The following DLGAP2 variants were observed in gnomAD, a reference collection of about 807,000 sequenced individuals.
The protein encoded by DLGAP2 is DLG associated protein 2, also known as disks large-associated protein 2.
Under a neutral mutation model 100.3 loss-of-function variants are expected in DLGAP2, and 26 were observed. The ratio of observed to expected loss-of-function variants is 0.26; its 90% CI spans 0.19 to 0.36. The LOEUF is 0.36. Ranked by LOEUF, DLGAP2 falls within the 10% of genes least tolerant of loss-of-function variation. The probability of loss-of-function intolerance (pLI) is 1.00; values close to 1 mark genes in which losing one functional copy is unlikely to be tolerated. For synonymous variants in DLGAP2, 886 were observed against 630.1 expected (o/e 1.41, Z -6.08); for missense variants, 1,858 against 1,453.2 (o/e 1.28, Z -4.53).
chr8:1,676,820 G>T (rs987959525), intron 11 of DLGAP2, among the ~76,000 whole-genome samples: 7 of 152,230 alleles, frequency 4.6e-5, no homozygotes, highest in Non-Finnish European at 8.8e-5. Context: ...AGGCAAGGGA[G>T]TAATTCTTTC....
rs554538134 is a variant in DLGAP2, at chr8:1,199,215, C to T, written c.74-59636C>T. On this transcript the variant is annotated intron_variant, in intron 2 of 14. Transcript: ENST00000637795. ...TAGTGTAGAAATGAGATTTTAATAT[C>T]TTCACTCAGTGTGGATAATTGAAAG... 1.8e-4 allele frequency among the ~76,000 whole-genome samples: 28 copies of T among 152,324 alleles called. 1 individual carries two copies. Among genetic ancestry groups the T allele is most frequent in the South Asian group, 1.2e-3 (6 of 4,830 alleles).
At chr8:741,281 C>G (rs1820476012) in intron 1 of DLGAP2, among the ~76,000 whole-genome samples, 1 of 152,224 alleles carries the variant, frequency 6.6e-6, no homozygotes, top group Admixed American at 6.5e-5. Context: ...CTTGCATCTA[C>G]TGGTAGCCAC....
intron 1 of DLGAP2, among the ~76,000 whole-genome samples, chr8:778,607 G>A (rs1424575922): frequency 1.3e-5 from 2 of 152,136 alleles, no homozygotes; most frequent in East Asian, 3.9e-4. Flanking sequence ...ACCCTGCCCT[G>A]TGTCAGTGTA....
rs748840582 is a variant in DLGAP2, at chr8:1,548,686, C to G, written c.233C>G (p.Pro78Arg). ...HFNEERYSPA[P>R]RSMKGLSGSR... ...AATGAGGAGCGCTACTCGCCCGCGC[C>G]CAGGAGCATGAAGGGCCTTTCCGGA... Residue 78 changes from proline to arginine, a missense_variant, in exon 5 of 15, where the codon CCC (proline) becomes CGC (arginine). Coordinates refer to ENST00000637795, the MANE Select transcript of DLGAP2 (RefSeq NM_001346810.2). 2 of 1,605,086 alleles carry G rather than the reference C, an allele frequency of 1.2e-6. No homozygotes were observed. The highest frequency in any genetic ancestry group is 1.7e-6 in the Non-Finnish European group (2 of 1,177,048).
At chr8:859,819 G>C (rs987455173) in intron 1 of DLGAP2, among the ~76,000 whole-genome samples, 7 of 152,138 alleles carry the variant, frequency 4.6e-5, no homozygotes, top group African/African-American at 1.7e-4. Flanking sequence ...AGTGAGGTGC[G>C]GTGTAGGGGC....
At chr8:1,419,328 T>C (rs552491233) in intron 3 of DLGAP2, among the ~76,000 whole-genome samples, 1 of 106,494 alleles carries the variant, frequency 9.4e-6, no homozygotes, top group Non-Finnish European at 1.9e-5. Context: ...GATACGTGTG[T>C]GTGTGTGTGT....
intron 1 of DLGAP2, among the ~76,000 whole-genome samples, chr8:898,338 T>C (rs1272149701): frequency 2.0e-5 from 3 of 152,128 alleles, no homozygotes; most frequent in Admixed American, 2.0e-4. Flanking sequence ...TCCCCAAATC[T>C]CTTACAAAGC....
chr8:1,458,753 G>A (rs1165041158), intron 3 of DLGAP2, among the ~76,000 whole-genome samples: 3 of 152,312 alleles, frequency 2.0e-5, no homozygotes, highest in Admixed American at 2.0e-4. Context: ...AGGATGTGTC[G>A]GCTTTGAGAG....
At chr8:1,226,146 T>TG (rs1182624517) in intron 2 of DLGAP2, among the ~76,000 whole-genome samples, 2 of 152,114 alleles carry the variant, frequency 1.3e-5, no homozygotes, top group African/African-American at 2.4e-5. Context: ...GTTTAAACCA[T>TG]GGGCATTCTG....
intron 3 of DLGAP2, among the ~76,000 whole-genome samples, chr8:1,388,510 G>A (rs1274860469): frequency 7.9e-5 from 5 of 63,572 alleles, no homozygotes; most frequent in African/African-American, 2.1e-4. Context: ...GGCAGAGGCC[G>A]TGGATGAGGA....
At chr8:1,081,631 G>T (rs76193697) in intron 2 of DLGAP2, among the ~76,000 whole-genome samples, 1 of 152,290 alleles carries the variant, frequency 6.6e-6, no homozygotes, top group East Asian at 1.9e-4. Flanking sequence ...GATTACAGGC[G>T]TGACCCCCAC....
intron 2 of DLGAP2, among the ~76,000 whole-genome samples, chr8:945,782 ACT>A (rs1299083349): frequency 1.4e-5 from 2 of 148,058 alleles, no homozygotes; most frequent in Admixed American, 1.3e-4. Context: ...TCTCTCTCTC[ACT>A]CTCTCCCTCT....
chr8:1,630,464 A>T (rs1296256719), intron 7 of DLGAP2, among the ~76,000 whole-genome samples: 1 of 152,136 alleles, frequency 6.6e-6, no homozygotes, highest in Non-Finnish European at 1.5e-5. Flanking sequence ...GCACTTTGGG[A>T]GGCCGAGGTG....
chr8:773,683 T>C (rs995719907), intron 1 of DLGAP2, among the ~76,000 whole-genome samples: 2 of 152,034 alleles, frequency 1.3e-5, no homozygotes, highest in Non-Finnish European at 2.9e-5. Context: ...GAACTCATCA[T>C]TTTTTATGGC....
At chr8:823,473 A>G (rs1796626493) in intron 1 of DLGAP2, among the ~76,000 whole-genome samples, 1 of 152,124 alleles carries the variant, frequency 6.6e-6, no homozygotes, top group African/African-American at 2.4e-5. Flanking sequence ...TTAATTGCAA[A>G]GAAAAGACTC....
intron 1 of DLGAP2, among the ~76,000 whole-genome samples, chr8:837,927 G>T (rs1330120464): frequency 6.7e-6 from 1 of 148,324 alleles, no homozygotes; most frequent in African/African-American, 2.5e-5. Flanking sequence ...TAGAGAGGGG[G>T]TTTCGCCATG....
At chr8:1,077,871 C>G (rs1015329652) in intron 2 of DLGAP2, among the ~76,000 whole-genome samples, 2 of 152,210 alleles carry the variant, frequency 1.3e-5, no homozygotes, top group African/African-American at 4.8e-5. Flanking sequence ...ACAGCTGTCT[C>G]AGCACACGCC....
At chr8:1,163,155 C>A (rs1401648339) in intron 2 of DLGAP2, among the ~76,000 whole-genome samples, 2 of 152,160 alleles carry the variant, frequency 1.3e-5, no homozygotes, top group Non-Finnish European at 2.9e-5. Context: ...CCAGGACGCA[C>A]GTGCACTGAA....
intron 2 of DLGAP2, among the ~76,000 whole-genome samples, chr8:915,865 C>T (rs758184268): frequency 6.3e-5 from 9 of 142,422 alleles, no homozygotes; most frequent in Non-Finnish European, 1.2e-4. Context: ...TTCACCCGTC[C>T]GTCCATCTGT....
Sources: gnomAD v4.1 joint callset for allele counts (sites outside exome capture counted in the v4.1 genomes callset) on GRCh38, gnomAD v4.1.1 for gene constraint, MANE v1.5 for transcripts, NCBI Gene and HGNC (gene_info 2026-07-23, HGNC 2026-07-21) for gene names.